Variants in GABRB2 observed in about 807,000 individuals in gnomAD.
GABRB2 encodes gamma-aminobutyric acid receptor subunit beta-2.
Under a neutral mutation model 54.7 loss-of-function variants are expected in GABRB2, and 16 were observed. The observed-to-expected ratio is 0.29, with a 90% CI of 0.20 to 0.44. GABRB2 has a LOEUF of 0.44. Among genes scored for constraint, GABRB2 ranks in the 20% least tolerant of loss-of-function variants. GABRB2 has a pLI of 1.00. For missense variants in GABRB2, 355 were observed against 644.0 expected, an observed-to-expected ratio of 0.55 and a Z score of 4.86; for synonymous variants, 244 against 233.8, an observed-to-expected ratio of 1.04 and a Z score of -0.40.
chr5:161,346,814 T>C (rs189517488), intron 5 of GABRB2, among the ~76,000 whole-genome samples: 56 of 152,280 alleles, frequency 3.7e-4, no homozygotes, highest in African/African-American at 1.3e-3. Context: ...AATTATCTGG[T>C]AAGGAAATTA....
At chr5:161,540,379 A>C (rs2113475476) in intron 3 of GABRB2, among the ~76,000 whole-genome samples, 1 of 152,320 alleles carries the variant, frequency 6.6e-6, no homozygotes, top group African/African-American at 2.4e-5. Context: ...TTCAGGCTCC[A>C]CTTCTAATTC....
At chr5:161,502,066 GTTATA>G (rs1272406884) in intron 3 of GABRB2, among the ~76,000 whole-genome samples, 6 of 149,394 alleles carry the variant, frequency 4.0e-5, no homozygotes, top group Admixed American at 4.0e-4. Context: ...AGGTAAAAAT[GTTATA>G]TTATCTTACA....
intron 3 of GABRB2, among the ~76,000 whole-genome samples, chr5:161,501,310 C>T (rs1474333270): frequency 1.3e-5 from 2 of 151,708 alleles, no homozygotes. Context: ...AAAAAAAGTG[C>T]TGTGGGTAGT....
intron 3 of GABRB2, among the ~76,000 whole-genome samples, chr5:161,498,293 TTTGATGAACCACCAC>T (rs1759318839): frequency 6.6e-6 from 1 of 152,230 alleles, no homozygotes; most frequent in Non-Finnish European, 1.5e-5. Context: ...CCTGGATATT[TTTGATGAACCACCAC>T]TCTTTCGTTA....
intron 5 of GABRB2, among the ~76,000 whole-genome samples, chr5:161,356,371 C>T (rs113666579): frequency 3.9e-5 from 6 of 152,040 alleles, no homozygotes; most frequent in African/African-American, 1.4e-4. Flanking sequence ...AAAAGGATGA[C>T]TATAGTGGAT....
chr5:161,516,012 T>C (rs1304624435), intron 3 of GABRB2, among the ~76,000 whole-genome samples: 2 of 151,820 alleles, frequency 1.3e-5, no homozygotes, highest in African/African-American at 4.8e-5. Context: ...GCAGTTGCTA[T>C]AGAAAATAAG....
chr5:161,542,837 C>T (rs2113481212), intron 3 of GABRB2, among the ~76,000 whole-genome samples: 1 of 152,240 alleles, frequency 6.6e-6, no homozygotes, highest in South Asian at 2.1e-4. Context: ...AATCAAAAGG[C>T]CCTAACACTC....
chr5:161,417,139 AT>A (rs1347492864), intron 4 of GABRB2, among the ~76,000 whole-genome samples: 1 of 152,186 alleles, frequency 6.6e-6, no homozygotes, highest in Non-Finnish European at 1.5e-5. Flanking sequence ...TCTCACAACC[AT>A]TTTAGTTAGA....
chr5:161,461,626 T>G (rs1758121011), intron 3 of GABRB2, among the ~76,000 whole-genome samples: 1 of 152,200 alleles, frequency 6.6e-6, no homozygotes, highest in Non-Finnish European at 1.5e-5. Flanking sequence ...TACAATGTAA[T>G]TGCTCTCTCA....
At chr5:161,533,520 T>C (rs1760531336) in intron 3 of GABRB2, among the ~76,000 whole-genome samples, 1 of 152,110 alleles carries the variant, frequency 6.6e-6, no homozygotes, top group Non-Finnish European at 1.5e-5. Flanking sequence ...AAAAATAGAT[T>C]TCATTTAGAT....
At chr5:161,503,303 A>G (rs1325427330) in intron 3 of GABRB2, among the ~76,000 whole-genome samples, 3 of 152,178 alleles carry the variant, frequency 2.0e-5, no homozygotes, top group Non-Finnish European at 2.9e-5. Flanking sequence ...TCTAGAATTG[A>G]AAAAGAGCAG....
At chr5:161,324,541 A>G (rs1758309505) in intron 9 of GABRB2, among the ~76,000 whole-genome samples, 2 of 152,258 alleles carry the variant, frequency 1.3e-5, no homozygotes, top group Admixed American at 1.3e-4. Flanking sequence ...AAGCTTGGAA[A>G]GGTTAAACAT....
At chr5:161,485,614 C>A (rs908103585) in intron 3 of GABRB2, among the ~76,000 whole-genome samples, 9 of 151,878 alleles carry the variant, frequency 5.9e-5, no homozygotes, top group Admixed American at 1.3e-4. Flanking sequence ...ACCAATAATT[C>A]CCTTCGAAAA....
At chr5:161,378,741 C>G (rs1755380416) in intron 5 of GABRB2, among the ~76,000 whole-genome samples, 1 of 82,234 alleles carries the variant, frequency 1.2e-5, no homozygotes, top group East Asian at 4.4e-4. Flanking sequence ...GTTACAGCTA[C>G]TAGAAGTGAA....
At chr5:161,531,547 G>A (rs1027577792) in intron 3 of GABRB2, among the ~76,000 whole-genome samples, 8 of 151,860 alleles carry the variant, frequency 5.3e-5, no homozygotes, top group African/African-American at 2.4e-5. Flanking sequence ...ACTCTACAGA[G>A]GTTTAGACTC....
intron 5 of GABRB2, among the ~76,000 whole-genome samples, chr5:161,353,962 A>T (rs1754543785): frequency 6.6e-6 from 1 of 152,080 alleles, no homozygotes; most frequent in Admixed American, 6.6e-5. Flanking sequence ...GTTTTCCCCA[A>T]ACTACATTAT....
chr5:161,509,814 C>A (rs1759711749), intron 3 of GABRB2, among the ~76,000 whole-genome samples: 1 of 151,972 alleles, frequency 6.6e-6, no homozygotes, highest in African/African-American at 2.4e-5. Flanking sequence ...GGAAAGGCCA[C>A]TATCATCTCT....
chr5:161,325,986 G>T (rs148991568), intron 9 of GABRB2, among the ~76,000 whole-genome samples: 380 of 152,112 alleles, frequency 2.5e-3, no homozygotes, highest in African/African-American at 7.6e-3. Flanking sequence ...ACCAACAAAA[G>T]AAATGTTTAA....
intron 3 of GABRB2, among the ~76,000 whole-genome samples, chr5:161,468,497 C>T (rs1758342811): frequency 6.6e-6 from 1 of 152,098 alleles, no homozygotes; most frequent in Non-Finnish European, 1.5e-5. Context: ...CAACTCAAAG[C>T]TCAAACCTCC....
Sources: allele counts gnomAD v4.1 joint callset (sites outside exome capture counted in the v4.1 genomes callset), GRCh38; gene constraint gnomAD v4.1.1; transcripts MANE v1.5; gene names NCBI Gene and HGNC (gene_info 2026-07-23, HGNC 2026-07-21).